The following SCAF1 variants were observed in gnomAD, a reference collection of about 807,000 sequenced individuals.
SCAF1 encodes the protein splicing factor, arginine/serine-rich 19.
SCAF1 carries 28 observed loss-of-function variants against 91.2 expected under a neutral mutation model. That is an observed-to-expected ratio of 0.31 (90% CI 0.23 to 0.42). The LOEUF (loss-of-function observed/expected upper bound fraction) is 0.42. SCAF1 is among the 10% of genes least tolerant of loss of function. The pLI is 1.00. For synonymous variants in SCAF1, 1,036 were observed against 833.7 expected (o/e 1.24, Z -4.18); for missense variants, 1,893 against 1,872.1 (o/e 1.01, Z -0.21).
chr19:49,649,371 C>A (rs1373560090), intron 6 of SCAF1, among the ~76,000 whole-genome samples: 1 of 152,218 alleles, frequency 6.6e-6, no homozygotes, highest in Non-Finnish European at 1.5e-5. Flanking sequence ...TGCAGCCTGG[C>A]TCTTTCTGCG....
rs1269361441 is a variant in SCAF1 at position 49,642,976 on chromosome 19, G to T, written c.-7+734G>T. 6.6e-6 allele frequency among the ~76,000 whole-genome samples: 1 copy of T among 152,220 alleles called. No homozygotes were observed. The highest frequency in any genetic ancestry group is 2.4e-5 in the African/African-American group (1 of 41,448). On this transcript the variant is annotated intron_variant, in intron 1 of 10. Coordinates refer to ENST00000360565, the MANE Select transcript of SCAF1 (RefSeq NM_021228.3). This position sits in a 1 kb window ranked among gnomAD's most constrained non-coding sequence, Gnocchi z 4.0. ...AGTTAGAAGGACCTGGAACCATCTA[G>T]ATGGCTTTAATGTGACTGCAGGAAT...
rs1443850385 is a variant in SCAF1 at position 49,653,260 on chromosome 19, G to A, written c.2871G>A (p.Lys957=). 6 of 1,482,120 alleles carry A rather than the reference G, an allele frequency of 4.0e-6. No homozygotes were observed. In the African/African-American group the frequency reaches 8.4e-5, roughly 21 times the overall value. The allele number at this position is 1,482,120 out of a possible 1,614,324, so 91.8% of individuals were successfully genotyped here. A position where few individuals can be genotyped will look rare whatever the true frequency, so the allele number is the denominator to read the frequency against. The change falls in exon 7 of 11, where the codon AAG becomes AAA. Residue 957 remains lysine, a synonymous_variant. Transcript: ENST00000360565. The stretch of plus-strand genomic sequence containing the variant: ...GCTGCAGCCAGGCGGCAGGCACCAA[G>A]GGGGCGGAGGAGACTTCCTGGTCCG... ...ADSCSQAAGT[K]GAEETSWSGE...
chr19:49,652,757 A>G lies in SCAF1; in HGVS notation c.2368A>G (p.Arg790Gly), dbSNP rs751852108. The G allele has an allele frequency of 1.8e-5, 29 of 1,611,342 alleles. No individual in the cohort carries two copies. The highest frequency in any genetic ancestry group is 2.3e-5 in the Non-Finnish European group (27 of 1,179,136). The change falls in exon 7 of 11, where the codon AGG becomes GGG. Residue 790 changes from arginine to glycine, a missense_variant. By Grantham distance (125) the Arg-to-Gly change is moderately radical (BLOSUM62 -2). Around this residue, in one of 5 missense-constraint regions of SCAF1, gnomAD observed 1,436 missense variants for 1,306.8 expected, o/e 1.10. Transcript: ENST00000360565. ...CAGGGACAGAGATAGGGACAGGGAC[A>G]GGTCATCCAAGAAGGCCCGGCCCCC... ...RDRDRDRDRD[R>G]SSKKARPPKE...
intron 9 of SCAF1, among the ~76,000 whole-genome samples, chr19:49,656,726 C>A (rs1396571671): frequency 6.6e-6 from 1 of 152,188 alleles, no homozygotes; most frequent in Non-Finnish European, 1.5e-5. Flanking sequence ...CTCCCCTTTT[C>A]ATCCCATGGC....
In SCAF1 at chr19:49,651,539, C is replaced by T. The variant is rs374302226; in HGVS notation, c.1150C>T (p.Leu384=). 5.1e-6 allele frequency: 8 copies of T among 1,563,530 alleles called. No homozygotes were observed. In the African/African-American group the frequency reaches 9.5e-5, roughly 18 times the overall value. ...TGGAGCCGCCCTCCCGCCGCCCCTG[C>T]TGCCGCCCGGCGACTCGGAGATCGA... ...AGGAALPPPL[L]PPGDSEIEEG... Residue 384 remains leucine (L), a synonymous_variant, in exon 7 of 11, where the codon CTG becomes TTG. Coordinates refer to ENST00000360565, the MANE Select transcript of SCAF1 (RefSeq NM_021228.3).
chr19:49,652,218 G>T lies in SCAF1; in HGVS notation c.1829G>T (p.Arg610Leu). The change falls in exon 7 of 11, where the codon CGG (arginine) becomes CTG (leucine). Residue 610 changes from arginine to leucine, a missense_variant. Transcript: ENST00000360565. ...SRSREKRRRR[R>L]RSASPPPATS... ...TCCCGGGAGAAGCGGCGACGGCGGC[G>T]GCGCTCCGCCTCCCCGCCCCCGGCC... The T allele has an allele frequency of 7.5e-7, 1 of 1,331,680 alleles. No individual in the cohort carries two copies. The allele number at this position is 1,331,680 out of a possible 1,614,324, so 82.5% of individuals were successfully genotyped here.
chr19:49,652,572 G>C lies in SCAF1; in HGVS notation c.2183G>C (p.Arg728Pro). 1 of 1,566,716 alleles carries C rather than the reference G, an allele frequency of 6.4e-7. No homozygotes were observed. The highest frequency in any genetic ancestry group is 8.7e-7 in the Non-Finnish European group (1 of 1,154,592). The change falls in exon 7 of 11, where the codon CGG (arginine) becomes CCG (proline). Residue 728 changes from arginine (R) to proline (P), a missense_variant. Physicochemically the swap from Arg to Pro is moderately radical, Grantham distance 103. This residue lies in a region of SCAF1 where 1,436 missense variants were observed against 1,306.8 expected (regional missense o/e 1.10). Transcript: ENST00000360565. ...CCTGCTCCGGCCTCCTCACCTAAGCGGGAGGTCCTGTACGACTCCGAGGGA... is the reference window on the plus strand; with the variant it reads ...CCTGCTCCGGCCTCCTCACCTAAGCCGGAGGTCCTGTACGACTCCGAGGGA... Reference protein sequence around the residue: ...PSPAPASSPKREVLYDSEGLS... With the variant: ...PSPAPASSPKPEVLYDSEGLS...
Position 49,645,297 on chromosome 19 carries a change from A to G in SCAF1, c.109-57A>G. ...GGGATGTCTGTCTCCCAAGGGGCAG[A>G]GGTTGCAAAGCATCTGCCTGGGTCC... On this transcript the variant is annotated intron_variant, in intron 2 of 10. Transcript: ENST00000360565. The surrounding 1 kb of genome is among the most constrained non-coding windows in gnomAD (Gnocchi z 4.6). The G allele has an allele frequency of 6.3e-7, 1 of 1,589,238 alleles. No homozygotes were observed. The highest frequency in any genetic ancestry group is 8.6e-7 in the Non-Finnish European group (1 of 1,157,984).
At chr19:49,641,411 G>A (rs2081025501), upstream of SCAF1, among the ~76,000 whole-genome samples, 1 of 152,318 alleles carries the variant, frequency 6.6e-6, no homozygotes, top group Admixed American at 6.5e-5. Flanking sequence ...CCGCTTCCCG[G>A]GTTCAAGCGA....
At position 49,645,090 on chromosome 19, in the gene SCAF1, C is replaced by T. The variant is rs1053514264; in HGVS notation, c.64C>T (p.Pro22Ser). The T allele has an allele frequency of 7.4e-6, 12 of 1,614,060 alleles. No homozygotes were observed. The highest frequency in any genetic ancestry group is 1.0e-5 in the Non-Finnish European group (12 of 1,180,014). ...EESGEDRGDGPPDRDPTLSPS... is the reference protein window; with the variant it reads ...EESGEDRGDGSPDRDPTLSPS... ...GTCGGGGGAGGATCGGGGCGATGGT[C>T]CGCCAGACAGAGACCCCACGCTTTC... The change falls in exon 2 of 11, where the codon CCG (proline) becomes TCG (serine). Residue 22 changes from proline (P) to serine (S), a missense_variant. This residue lies in a region of SCAF1 where 270 missense variants were observed against 292.5 expected (regional missense o/e 0.92). Coordinates refer to ENST00000360565, the MANE Select transcript of SCAF1 (RefSeq NM_021228.3). This position sits in a 1 kb window ranked among gnomAD's most constrained non-coding sequence, Gnocchi z 4.6.
chr19:49,654,612 A>G (rs758791316), intron 8 of SCAF1, 40 bp from the exon 9 acceptor site: 2 of 1,505,816 alleles, frequency 1.3e-6, no homozygotes, highest in Middle Eastern at 3.4e-4. Flanking sequence ...CTTCCCCTCC[A>G]CCTCCCTTTA....
rs777836368 is a variant in SCAF1 at position 49,651,548 on chromosome 19, G to A, written c.1159G>A (p.Gly387Ser). The change falls in exon 7 of 11, where the codon GGC (glycine) becomes AGC (serine). Residue 387 changes from glycine (G) to serine (S), a missense_variant. Gly to Ser is a moderately conservative substitution (Grantham distance 56, BLOSUM62 0). Around this residue, in one of 5 missense-constraint regions of SCAF1, gnomAD observed 1,436 missense variants for 1,306.8 expected, o/e 1.10. Transcript: ENST00000360565. ...CCTCCCGCCGCCCCTGCTGCCGCCC[G>A]GCGACTCGGAGATCGAGGAAGGGGA... ...AALPPPLLPP[G>S]DSEIEEGEIV... 13 of 1,560,150 alleles carry A rather than the reference G, an allele frequency of 8.3e-6. No individual in the cohort carries two copies. The Admixed American group carries it at 1.1e-4, about 14-fold the overall frequency.
Position 49,651,697 on chromosome 19 carries a change from C to G in SCAF1, c.1308C>G (p.Pro436=). ...CGGCCCAGCCCCTTCCTCAGCCTCC[C>G]GCTCCGCGGGCCCCCGAGGGGGACG... ...TPTAQPLPQP[P]APRAPEGDDF... The change falls in exon 7 of 11, where the codon CCC becomes CCG. Residue 436 remains proline, a synonymous_variant. Transcript: ENST00000360565. 7.2e-7 allele frequency: 1 copy of G among 1,393,154 alleles called. No homozygotes were observed. Among genetic ancestry groups the G allele is most frequent in the Non-Finnish European group, 9.2e-7 (1 of 1,085,138 alleles). 86.3% of individuals were successfully genotyped at this position (1,393,154 alleles called of 1,614,324 possible). A position where few individuals can be genotyped will look rare whatever the true frequency, so the allele number is the denominator to read the frequency against.
In SCAF1 at chr19:49,652,030, C is replaced by T. The variant is rs754856414; in HGVS notation, c.1641C>T (p.Ala547=). The T allele has an allele frequency of 2.4e-6, 3 of 1,227,266 alleles. No individual in the cohort carries two copies. Among genetic ancestry groups the T allele is most frequent in the Non-Finnish European group, 3.1e-6 (3 of 973,066 alleles). 76.0% of individuals were successfully genotyped at this position (1,227,266 alleles called of 1,614,324 possible). A position where few individuals can be genotyped will look rare whatever the true frequency, so the allele number is the denominator to read the frequency against. The change falls in exon 7 of 11, where the codon GCC becomes GCT. Residue 547 remains alanine, a synonymous_variant. Transcript: ENST00000360565. ...CCCAGCCAGCGCCGCCCGCCCCGGC[C>T]TCGCCCTGGGACTCCAAGAAGCACC... ...SGTQPAPPAP[A]SPWDSKKHRS... is the part of the protein sequence containing the mutation.
chr19:49,658,056 C>T, intron 10 of SCAF1, 152 bp from the exon 11 acceptor site: 2 of 1,195,690 alleles, frequency 1.7e-6, no homozygotes, highest in African/African-American at 3.1e-5. Context: ...TTCCGCTGGC[C>T]CTGGGGCACC....
At position 49,651,304 on chromosome 19, in the gene SCAF1, C is replaced by T. The variant is rs758759965; in HGVS notation, c.915C>T (p.Tyr305=). 4.3e-6 allele frequency: 7 copies of T among 1,610,726 alleles called. No individual in the cohort carries two copies. The Admixed American group carries it at 6.7e-5, about 15-fold the overall frequency. Reference sequence around the variant, plus strand: ...TCTCGGAGACCCTGGCGGGCATCTACGATGACAACAGCCTGAGCCAGGACT... The same window carrying T: ...TCTCGGAGACCCTGGCGGGCATCTATGATGACAACAGCCTGAGCCAGGACT... ...SRISETLAGI[Y]DDNSLSQDFP... is the part of the protein sequence containing the mutation. The change falls in exon 7 of 11, where the codon TAC becomes TAT. Residue 305 remains tyrosine, a synonymous_variant. Coordinates refer to ENST00000360565, the MANE Select transcript of SCAF1 (RefSeq NM_021228.3).
In SCAF1 at chr19:49,658,480, C is replaced by G; in HGVS notation, c.*81C>G. The G allele has an allele frequency of 2.6e-6, 2 of 771,668 alleles. No homozygotes were observed. Among genetic ancestry groups the G allele is most frequent in the East Asian group, 2.7e-5 (1 of 37,212 alleles). 47.8% of individuals were successfully genotyped at this position (771,668 alleles called of 1,614,324 possible). A position where few individuals can be genotyped will look rare whatever the true frequency, so the allele number is the denominator to read the frequency against. ...GCTCCACCTCCCCACCTCCCTCCCCCGTCAGTGGGATGACTGGGGGAGGGT... is the reference window on the plus strand; with the variant it reads ...GCTCCACCTCCCCACCTCCCTCCCCGGTCAGTGGGATGACTGGGGGAGGGT... On this transcript the variant is annotated 3_prime_UTR_variant, in exon 11 of 11. Transcript: ENST00000360565.
chr19:49,646,199 T>A lies in SCAF1; in HGVS notation c.258T>A (p.Ala86=), dbSNP rs571879203. ...RSQESGGTDT[A]TVLDMATDSF... The stretch of plus-strand genomic sequence containing the variant: ...AGGAATCAGGGGGCACTGACACGGC[T>A]ACTGTGAGTAAGAAGAGGGGGCTGG... Residue 86 remains alanine, a synonymous_variant, in exon 4 of 11, where the codon GCT becomes GCA. Coordinates refer to ENST00000360565, the MANE Select transcript of SCAF1 (RefSeq NM_021228.3). This position sits in a 1 kb window ranked among gnomAD's most constrained non-coding sequence, Gnocchi z 5.6. The A allele has an allele frequency of 6.2e-7, 1 of 1,604,206 alleles. No individual in the cohort carries two copies. Among genetic ancestry groups the A allele is most frequent in the African/African-American group, 1.4e-5 (1 of 73,760 alleles).
intron 9 of SCAF1, among the ~76,000 whole-genome samples, chr19:49,656,868 A>G (rs1170246664): frequency 1.3e-5 from 2 of 152,194 alleles, no homozygotes; most frequent in African/African-American, 2.4e-5. Flanking sequence ...ATGAGCCACA[A>G]AGGTGGCCAG....
Sources: gnomAD v4.1 joint callset for allele counts (sites outside exome capture counted in the v4.1 genomes callset) on GRCh38, gnomAD v4.1.1 for gene constraint, gnomAD v4.1.1 regional missense constraint, Gnocchi (gnomAD v3.1) non-coding constraint, MANE v1.5 for transcripts, NCBI Gene and HGNC (gene_info 2026-07-23, HGNC 2026-07-21) for gene names.